Variants in HELZ2 observed in about 807,000 individuals in gnomAD.
HELZ2 encodes helicase with zinc finger 2, also known as 3'-5' exoribonuclease HELZ2.
In HELZ2, 143 loss-of-function variants were observed where a neutral mutation model predicts 208.8. That is an observed-to-expected ratio of 0.68 (90% CI 0.60 to 0.79). The LOEUF (loss-of-function observed/expected upper bound fraction) is 0.79. Among genes scored for constraint, HELZ2 ranks in the 30% least tolerant of loss-of-function variants. HELZ2 has a pLI of 0.00. For synonymous variants in HELZ2, 1,705 were observed against 1,693.7 expected (o/e 1.01, Z -0.16); for missense variants, 3,690 against 3,794.5 (o/e 0.97, Z 0.72).
chr20:63,563,011 G>T lies in HELZ2; in HGVS notation c.5811C>A (p.Asp1937Glu), dbSNP rs759412707. The T allele has an allele frequency of 1.5e-5, 24 of 1,600,548 alleles. No homozygotes were observed. In the South Asian group the frequency reaches 1.9e-4, roughly 13 times the overall value. The change falls in exon 8 of 19, where the codon GAC becomes GAA. Residue 1937 changes from aspartate (D) to glutamate (E), a missense_variant. Physicochemically the swap from Asp to Glu is conservative, Grantham distance 45. Around this residue, in one of 3 missense-constraint regions of HELZ2, gnomAD observed 2,564 missense variants for 2,580.5 expected, o/e 0.99. Coordinates refer to ENST00000467148, the Ensembl canonical transcript of HELZ2. ...CCCACACGCAGGCGTACTCATCCAC[G>T]TCGCGGTACCGGTCCCTCGGGGCCC...
At chr20:63,561,306 C>T (rs1303268330) in intron 13 of HELZ2, 32 bp from the exon 15 acceptor site, 1 of 1,612,526 alleles carries the variant, frequency 6.2e-7, no homozygotes, top group South Asian at 1.1e-5. Flanking sequence ...ACCCCAGGGC[C>T]CCCATGCTGC....
At chr20:63,562,967 T>A in exon 8 of HELZ2, 1 of 1,592,526 alleles carries the variant, frequency 6.3e-7, no homozygotes, top group Non-Finnish European at 8.5e-7. Flanking sequence ...GGTGGCCGAC[T>A]CCAGGGCGCA....
chr20:63,572,661 A>G, upstream of HELZ2: 1 of 435,608 alleles, frequency 2.3e-6, no homozygotes, highest in Non-Finnish European at 4.1e-6. Flanking sequence ...CGGCCGCCAA[A>G]CTCCGTAAGG....
At chr20:63,569,596 G>A in exon 4 of HELZ2, 1 of 1,567,520 alleles carries the variant, frequency 6.4e-7, no homozygotes. Flanking sequence ...CCTGGCGGGA[G>A]GCCGGGAGCC....
chr20:63,568,651 G>A (rs1235589775), exon 5 of HELZ2: 30 of 1,604,802 alleles, frequency 1.9e-5, no homozygotes, highest in Non-Finnish European at 2.4e-5. Flanking sequence ...GGTGCCAGAG[G>A]CGGAAGGTCA....
Position 63,560,283 on chromosome 20 carries a change from G to C in HELZ2, c.7545C>G (p.Pro2515=), listed in dbSNP as rs777464327. The change falls in exon 17 of 19, where the codon CCC becomes CCG. Residue 2515 remains proline (P), a synonymous_variant. Coordinates refer to ENST00000467148, the Ensembl canonical transcript of HELZ2. The stretch of plus-strand genomic sequence containing the variant: ...AGGGCGTGAGGACGGCGATGTCCTG[G>C]GGCTCTACGGTCCTCCCCAGGGTCA... The C allele has an allele frequency of 6.4e-6, 10 of 1,562,594 alleles. No individual in the cohort carries two copies. The South Asian group carries it at 1.2e-4, about 18-fold the overall frequency.
In HELZ2 at chr20:63,562,056, C is replaced by T; in HGVS notation, c.6529+16G>A. 6.3e-7 allele frequency: 1 copy of T among 1,583,704 alleles called. No homozygotes were observed. The highest frequency in any genetic ancestry group is 8.6e-7 in the Non-Finnish European group (1 of 1,165,790). On this transcript the variant is annotated intron_variant, in intron 10 of 18. Transcript: ENST00000467148. ...TGGCCCAAGGCAGCCTGCGGCTCCC[C>T]CGGCATGGGCCCTACCTGGTGGGCC...
exon 8 of HELZ2, chr20:63,564,969 C>G: frequency 6.2e-7 from 1 of 1,605,186 alleles, no homozygotes; most frequent in Non-Finnish European, 8.5e-7. Context: ...GGCAGCACCT[C>G]CCGGACGATG....
In HELZ2 at chr20:63,560,064, G is replaced by A. The variant is rs138935465; in HGVS notation, c.7689C>T (p.Thr2563=). Reference sequence around the variant, plus strand: ...GGTCGCTCTTGGCACAGGTGCGGACGGTGCTCACCAGCACATAGCGCCACT... The same window carrying A: ...GGTCGCTCTTGGCACAGGTGCGGACAGTGCTCACCAGCACATAGCGCCACT... Residue 2563 remains threonine, a synonymous_variant, in exon 18 of 19, where the codon ACC becomes ACT. Coordinates refer to ENST00000467148, the Ensembl canonical transcript of HELZ2. The A allele has an allele frequency of 2.9e-4, 468 of 1,608,136 alleles. 3 individuals carry two copies. Among genetic ancestry groups the A allele is most frequent in the Middle Eastern group, 1.5e-3 (9 of 5,990 alleles).
chr20:63,560,828 C>T (rs764373388), exon 15 of HELZ2: 1 of 1,613,066 alleles, frequency 6.2e-7, no homozygotes, highest in Non-Finnish European at 8.5e-7. Context: ...TATGTGCGTC[C>T]TCGTGGTACC....
At chr20:63,569,568 C>A in exon 4 of HELZ2, 3 of 1,596,132 alleles carry the variant, frequency 1.9e-6, no homozygotes, top group Non-Finnish European at 2.6e-6. Context: ...GAAGCGCTCA[C>A]CCCGTGCGTA....
exon 6 of HELZ2, chr20:63,567,615 G>T (rs760249145): frequency 6.2e-7 from 1 of 1,600,502 alleles, no homozygotes; most frequent in East Asian, 2.2e-5. Flanking sequence ...CCCGGATGTA[G>T]ATGTCGGCGG....
chr20:63,571,006 G>A (rs761437833), intron 1 of HELZ2, 138 bp from the exon 3 acceptor site: 124 of 667,408 alleles, frequency 1.9e-4, no homozygotes, highest in Non-Finnish European at 2.6e-4. Flanking sequence ...CTGTGCTCCC[G>A]GGACAAGGCC....
chr20:63,566,834 C>T lies in HELZ2; in HGVS notation c.2514+10G>A, dbSNP rs771866833. On this transcript the variant is annotated intron_variant, in intron 6 of 18. Coordinates refer to ENST00000467148, the Ensembl canonical transcript of HELZ2. Reference sequence around the variant, plus strand: ...GCGGTCGGGGGCTGTCCCGGGCTGGCCGGGCTCACCTGGGCACCGTGGGAA... The same window carrying T: ...GCGGTCGGGGGCTGTCCCGGGCTGGTCGGGCTCACCTGGGCACCGTGGGAA... 3.8e-6 allele frequency: 6 copies of T among 1,583,068 alleles called. No homozygotes were observed. Among genetic ancestry groups the T allele is most frequent in the Non-Finnish European group, 3.4e-6 (4 of 1,168,790 alleles).
At chr20:63,560,960 C>A in intron 14 of HELZ2, 31 bp from the exon 16 acceptor site, 1 of 1,606,956 alleles carries the variant, frequency 6.2e-7, no homozygotes. Context: ...GGCCCTGACA[C>A]CCCTAGACCC....
At chr20:63,567,971 C>G in intron 5 of HELZ2, 1 of 537,250 alleles carries the variant, frequency 1.9e-6, no homozygotes, top group African/African-American at 1.9e-5. Context: ...GGGAAGGCCC[C>G]GGCCTGGGGA....
exon 8 of HELZ2, chr20:63,565,421 A>G (rs776041399): frequency 3.1e-6 from 5 of 1,611,138 alleles, no homozygotes; most frequent in Non-Finnish European, 4.2e-6. Context: ...CTCTGGCACG[A>G]AAGAGCAGTG....
At position 63,564,940 on chromosome 20, in the gene HELZ2, C is replaced by G; in HGVS notation, c.3882G>C (p.Glu1294Asp). The G allele has an allele frequency of 1.2e-6, 2 of 1,610,384 alleles. No individual in the cohort carries two copies. Among genetic ancestry groups the G allele is most frequent in the Non-Finnish European group, 1.7e-6 (2 of 1,178,206 alleles). The change falls in exon 8 of 19, where the codon GAG (glutamate) becomes GAC (aspartate). Residue 1294 changes from glutamate to aspartate, a missense_variant. By Grantham distance (45) the Glu-to-Asp change is conservative. Around this residue, in one of 3 missense-constraint regions of HELZ2, gnomAD observed 2,564 missense variants for 2,580.5 expected, o/e 0.99. Coordinates refer to ENST00000467148, the Ensembl canonical transcript of HELZ2. ...CCAGGCCGAGGATGCGGAGGCCCTG[C>G]TCCCAGGTGCTGGCCTCAGGCAGCA... is the stretch of plus-strand genomic sequence containing the variant.
At chr20:63,558,489 T>A (rs1307908439), downstream of HELZ2, 2 of 152,166 alleles carry the variant, frequency 1.3e-5, no homozygotes, top group Non-Finnish European at 2.9e-5. Flanking sequence ...GGAGGCCTCC[T>A]TGTCCTGAGC....
Sources: allele counts gnomAD v4.1 joint callset, GRCh38; gene constraint gnomAD v4.1.1; regional missense constraint gnomAD v4.1.1; transcripts MANE v1.5; gene names NCBI Gene and HGNC (gene_info 2026-07-23, HGNC 2026-07-21).